The following TRHDE variants were observed in gnomAD, a reference collection of about 807,000 sequenced individuals.
TRHDE encodes thyrotropin releasing hormone degrading enzyme.
Under a neutral mutation model 125.7 loss-of-function variants are expected in TRHDE, and 72 were observed. The observed-to-expected ratio is 0.57, with a 90% CI of 0.47 to 0.70. TRHDE has a LOEUF of 0.70. Among genes scored for constraint, TRHDE ranks in the 30% least tolerant of loss-of-function variants. The probability of loss-of-function intolerance (pLI) is 0.00; values close to 1 mark genes in which losing one functional copy is unlikely to be tolerated. For synonymous variants in TRHDE, 509 were observed against 509.1 expected, an observed-to-expected ratio of 1.00 and a Z score of 0.00; for missense variants, 1,110 against 1,327.1, an observed-to-expected ratio of 0.84 and a Z score of 2.54.
intron 2 of TRHDE, among the ~76,000 whole-genome samples, chr12:72,374,979 G>A (rs1464716447): frequency 6.6e-6 from 1 of 152,162 alleles, no homozygotes; most frequent in Non-Finnish European, 1.5e-5. Context: ...AGCATTATCT[G>A]GAAACCATAG....
chr12:72,170,328 A>G, intron 2 of TRHDE, among the ~76,000 whole-genome samples: 1 of 152,172 alleles, frequency 6.6e-6, no homozygotes, highest in Middle Eastern at 3.2e-3. Flanking sequence ...TCTTGACTTA[A>G]TGTGAAAATT....
chr12:72,501,493 T>C (rs1370091730), intron 6 of TRHDE, among the ~76,000 whole-genome samples: 1 of 152,122 alleles, frequency 6.6e-6, no homozygotes, highest in Non-Finnish European at 1.5e-5. Flanking sequence ...TGAATTATAA[T>C]GATTAATTTT....
chr12:72,374,082 C>T (rs1366835730), intron 2 of TRHDE, among the ~76,000 whole-genome samples: 1 of 151,876 alleles, frequency 6.6e-6, no homozygotes, highest in Non-Finnish European at 1.5e-5. Flanking sequence ...AAGGCATGGA[C>T]CAGGGTGGTA....
chr12:72,236,796 G>A (rs1878346141), intron 2 of TRHDE, among the ~76,000 whole-genome samples: 1 of 152,164 alleles, frequency 6.6e-6, no homozygotes, highest in Admixed American at 6.6e-5. Flanking sequence ...ATGTGGATGA[G>A]ACTTTTTTTT....
upstream of TRHDE, chr12:72,272,205 A>G (rs911693417): frequency 1.4e-5 from 6 of 434,034 alleles, no homozygotes; most frequent in Non-Finnish European, 2.8e-5. The surrounding 1 kb of genome is among the most constrained non-coding windows in gnomAD (Gnocchi z 6.7). Context: ...TTCCCTCTCT[A>G]CACCCTCGCT....
intron 5 of TRHDE, among the ~76,000 whole-genome samples, chr12:72,479,836 C>T (rs1461031166): frequency 2.0e-5 from 3 of 147,456 alleles, no homozygotes; most frequent in Admixed American, 1.4e-4. Context: ...CAACAGTCCC[C>T]AGAGTGTGAT....
intron 2 of TRHDE, among the ~76,000 whole-genome samples, chr12:72,210,170 T>C (rs190010127): frequency 1.3e-3 from 97 of 74,002 alleles, no homozygotes; most frequent in Non-Finnish European, 2.1e-3. Flanking sequence ...TCTATAAGAT[T>C]GATCTATCTA....
intron 3 of TRHDE, among the ~76,000 whole-genome samples, chr12:72,458,956 A>C (rs906407012): frequency 6.6e-6 from 1 of 152,334 alleles, no homozygotes; most frequent in African/African-American, 2.4e-5. Flanking sequence ...GCGATAATAA[A>C]TTAGCACTTA....
At chr12:72,569,471 C>A (rs1295562274) in intron 10 of TRHDE, among the ~76,000 whole-genome samples, 2 of 152,030 alleles carry the variant, frequency 1.3e-5, no homozygotes, top group Non-Finnish European at 2.9e-5. Context: ...TTTAAAAAGC[C>A]ACATATTTTT....
chr12:72,420,898 G>A (rs1455503735), intron 3 of TRHDE, among the ~76,000 whole-genome samples: 2 of 152,042 alleles, frequency 1.3e-5, no homozygotes, highest in South Asian at 2.1e-4. Context: ...CATACACATA[G>A]CATGATTCCT....
chr12:72,441,670 G>GTATTCTCAT (rs1446328752), intron 3 of TRHDE, among the ~76,000 whole-genome samples: 1 of 151,840 alleles, frequency 6.6e-6, no homozygotes, highest in East Asian at 1.9e-4. Flanking sequence ...TGTTATAGGT[G>GTATTCTCAT]TATTCTCATT....
chr12:72,395,272 T>C (rs995908251), intron 3 of TRHDE, among the ~76,000 whole-genome samples: 1 of 152,108 alleles, frequency 6.6e-6, no homozygotes, highest in Non-Finnish European at 1.5e-5. Context: ...TCCTTATTGG[T>C]GGCTTCAGTA....
chr12:72,624,324 C>T (rs1873170482), intron 15 of TRHDE, among the ~76,000 whole-genome samples: 1 of 151,536 alleles, frequency 6.6e-6, no homozygotes, highest in African/African-American at 2.4e-5. Context: ...TTAACTGAAG[C>T]CTTAAATAGA....
chr12:72,400,102 T>C (rs149157016), intron 3 of TRHDE, among the ~76,000 whole-genome samples: 2 of 152,200 alleles, frequency 1.3e-5, no homozygotes, highest in East Asian at 3.9e-4. Flanking sequence ...GCCTTTTGAG[T>C]AAGAAAGTCA....
rs746211300 is a variant in TRHDE at position 72,621,129 on chromosome 12, G to T, written c.2491G>T (p.Ala831Ser). The T allele has an allele frequency of 1.2e-6, 2 of 1,610,104 alleles. No individual in the cohort carries two copies. The highest frequency in any genetic ancestry group is 1.3e-5 in the African/African-American group (1 of 74,670). ...IFNEYILKQV[A>S]TTYIKLGWPK... ...TTAGGAATATATTTTAAAGCAAGTT[G>T]CAACAACATATATCAAGCTTGGGTG... is the stretch of plus-strand genomic sequence containing the variant. The change falls in exon 14 of 19, where the codon GCA (alanine) becomes TCA (serine). Residue 831 changes from alanine to serine, a missense_variant. Physicochemically the swap from Ala to Ser is moderately conservative, Grantham distance 99. This residue lies in a region of TRHDE where 527 missense variants were observed against 651.8 expected (regional missense o/e 0.81). Coordinates refer to ENST00000261180, the MANE Select transcript of TRHDE (RefSeq NM_013381.3).
At chr12:72,101,275 A>G (rs895685221) in intron 1 of TRHDE, among the ~76,000 whole-genome samples, 45 of 152,210 alleles carry the variant, frequency 3.0e-4, no homozygotes, top group Non-Finnish European at 5.9e-4. Context: ...TGATCTACTC[A>G]GGTCGTCTGC....
Position 72,378,097 on chromosome 12 carries a change from G to A in TRHDE, c.1291G>A (p.Val431Met). Residue 431 changes from valine to methionine, a missense_variant, in exon 3 of 19, where the codon GTG becomes ATG. Around this residue, in one of 5 missense-constraint regions of TRHDE, gnomAD observed 252 missense variants for 274.8 expected, o/e 0.92. Transcript: ENST00000261180. ...AGAATTTTATGAAGACTACTTTAAA[G>A]TGCCCTATTCCTTGCCAAAACTAGG... ...LIEFYEDYFK[V>M]PYSLPKLDLL... 1 of 1,599,718 alleles carries A rather than the reference G, an allele frequency of 6.3e-7. No homozygotes were observed. The highest frequency in any genetic ancestry group is 8.5e-7 in the Non-Finnish European group (1 of 1,175,240).
At chr12:72,372,884 G>T (rs892180970) in intron 2 of TRHDE, among the ~76,000 whole-genome samples, 19 of 152,098 alleles carry the variant, frequency 1.2e-4, no homozygotes, top group African/African-American at 4.6e-4. Context: ...CTCTTTTTTG[G>T]TTCCCTATGA....
intron 2 of TRHDE, among the ~76,000 whole-genome samples, chr12:72,128,243 C>T (rs1481055680): frequency 1.3e-5 from 2 of 152,172 alleles, no homozygotes; most frequent in Non-Finnish European, 2.9e-5. Flanking sequence ...CTGCCTAACA[C>T]ATCTTAAAAG....
Sources: allele counts gnomAD v4.1 joint callset (sites outside exome capture counted in the v4.1 genomes callset), GRCh38; gene constraint gnomAD v4.1.1; regional missense constraint gnomAD v4.1.1; non-coding constraint Gnocchi (gnomAD v3.1); transcripts MANE v1.5; gene names NCBI Gene and HGNC (gene_info 2026-07-23, HGNC 2026-07-21).